PLA2G4E: variants seen among roughly 807,000 people sequenced by gnomAD.
The protein encoded by PLA2G4E is phospholipase A2 group IVE, also known as cytosolic phospholipase A2 epsilon.
Under a neutral mutation model 109.1 loss-of-function variants are expected in PLA2G4E, and 84 were observed. The observed-to-expected ratio is 0.77, with a 90% CI of 0.65 to 0.92. The LOEUF (loss-of-function observed/expected upper bound fraction) is 0.92, where lower values mean the gene tolerates loss of function less well. Among genes scored for constraint, PLA2G4E ranks in the 40% least tolerant of loss-of-function variants. The pLI is 0.00. For missense variants in PLA2G4E, 1,057 were observed against 1,076.6 expected (o/e 0.98, Z 0.25); for synonymous variants, 469 against 436.1 (o/e 1.08, Z -0.94).
intron 11 of PLA2G4E, 60 bp downstream of exon 11, chr15:41,997,064 G>A: frequency 1.4e-6 from 2 of 1,468,424 alleles, no homozygotes; most frequent in South Asian, 1.4e-5. Flanking sequence ...GGTTGGCTGG[G>A]AGGGCATGGT....
chr15:41,993,056 C>G, intron 12 of PLA2G4E, 97 bp from the exon 13 acceptor site: 1 of 1,084,622 alleles, frequency 9.2e-7, no homozygotes, highest in Admixed American at 2.5e-5. Context: ...CCATTGAGAA[C>G]CCTAACCTGC....
intron 2 of PLA2G4E, among the ~76,000 whole-genome samples, chr15:42,012,031 C>A (rs767297816): frequency 6.6e-6 from 1 of 152,214 alleles, no homozygotes; most frequent in Non-Finnish European, 1.5e-5. Flanking sequence ...GACACAGACC[C>A]AAACTGGAGG....
chr15:42,023,055 G>A (rs1262380863), intron 1 of PLA2G4E, among the ~76,000 whole-genome samples: 1 of 152,116 alleles, frequency 6.6e-6, no homozygotes, highest in East Asian at 1.9e-4. Context: ...CACAGGCAGG[G>A]AGGCCAGAAA....
chr15:42,000,208 A>G lies in PLA2G4E; in HGVS notation c.748T>C (p.Cys250Arg). 1.9e-6 allele frequency: 3 copies of G among 1,591,252 alleles called. No homozygotes were observed. In the South Asian group the frequency reaches 3.4e-5, roughly 18 times the overall value. ...GTTTGGAAGCAGGCAGAGGTTGGGC[A>G]GCAGGGTTCCAAGCAGGGCCGGACA... Residue 250 changes from cysteine to arginine, a missense_variant, in exon 8 of 20, where the codon TGC (cysteine) becomes CGC (arginine). Cys to Arg is a radical substitution (Grantham distance 180). Transcript: ENST00000399518.
rs187253693 is a variant in PLA2G4E, at chr15:41,990,124, T to C, written c.1582A>G (p.Arg528Gly). Residue 528 changes from arginine to glycine, a missense_variant, in exon 14 of 20, where the codon AGA becomes GGA. Arg to Gly is a moderately radical substitution (Grantham distance 125). Transcript: ENST00000399518. ...AATCACCAGCCACTGGTGTTACCTC[T>C]GAAGTCCTGGTTGCTTACATCATCC... The C allele has an allele frequency of 1.5e-4, 238 of 1,612,646 alleles. 1 individual carries two copies. The highest frequency in any genetic ancestry group is 3.0e-4 in the Admixed American group (18 of 60,002).
At chr15:41,983,839 A>T (rs1259508808) in exon 20 of PLA2G4E, 26 of 1,612,252 alleles carry the variant, frequency 1.6e-5, no homozygotes, top group Non-Finnish European at 2.0e-5. Context: ...ATTATTCAGG[A>T]TGTTATACTC....
intron 3 of PLA2G4E, among the ~76,000 whole-genome samples, chr15:42,007,220 G>A (rs57509510): frequency 0.25 from 38,270 of 151,988 alleles, 6,067 homozygotes; most frequent in East Asian, 0.47. Context: ...ATTATCCCAT[G>A]GGAGATGTGA....
At chr15:42,039,522 C>A (rs993747189) in intron 1 of PLA2G4E, among the ~76,000 whole-genome samples, 1 of 148,796 alleles carries the variant, frequency 6.7e-6, no homozygotes, top group Non-Finnish European at 1.5e-5. Flanking sequence ...TATATACATA[C>A]ATATGTATGT....
chr15:42,001,568 A>T (rs1050192791), intron 6 of PLA2G4E, among the ~76,000 whole-genome samples: 4 of 152,216 alleles, frequency 2.6e-5, no homozygotes, highest in Non-Finnish European at 5.9e-5. Flanking sequence ...CCTTGTCAAG[A>T]TGCTGAGGCA....
At chr15:42,027,223 T>G (rs2068700362) in intron 1 of PLA2G4E, among the ~76,000 whole-genome samples, 1 of 152,200 alleles carries the variant, frequency 6.6e-6, no homozygotes, top group Non-Finnish European at 1.5e-5. Context: ...CAAGGACATC[T>G]ACAACAACTT....
At chr15:42,021,863 T>C (rs1300561110) in intron 1 of PLA2G4E, among the ~76,000 whole-genome samples, 1 of 152,200 alleles carries the variant, frequency 6.6e-6, no homozygotes, top group Non-Finnish European at 1.5e-5. Context: ...GAAGTGCTTT[T>C]TTGAAATTGA....
intron 1 of PLA2G4E, among the ~76,000 whole-genome samples, chr15:42,047,326 G>A (rs943796772): frequency 2.0e-5 from 3 of 152,080 alleles, no homozygotes; most frequent in African/African-American, 7.2e-5. Context: ...AAGGTCAAGG[G>A]GTCCACATCT....
exon 11 of PLA2G4E, chr15:41,997,147 C>G: frequency 6.4e-7 from 1 of 1,569,510 alleles, no homozygotes; most frequent in Non-Finnish European, 8.6e-7. Context: ...AGGTCTTCCT[C>G]CAGCTGCAGC....
intron 1 of PLA2G4E, among the ~76,000 whole-genome samples, chr15:42,036,558 G>T (rs7181618): frequency 6.6e-6 from 1 of 151,988 alleles, no homozygotes; most frequent in Admixed American, 6.5e-5. Flanking sequence ...GGTCCACCCT[G>T]CATCTGGGTG....
At chr15:41,984,780 C>T (rs994572834) in intron 18 of PLA2G4E, among the ~76,000 whole-genome samples, 161 bp from the exon 19 acceptor site, 2 of 152,180 alleles carry the variant, frequency 1.3e-5, no homozygotes, top group African/African-American at 2.4e-5. Context: ...CAGGTCAGGA[C>T]AAAAGGCCCG....
chr15:41,994,303 C>CGGG (rs11369248), intron 12 of PLA2G4E, among the ~76,000 whole-genome samples: 1 of 151,944 alleles, frequency 6.6e-6, no homozygotes, highest in Non-Finnish European at 1.5e-5. Context: ...CTCTGCCCCC[C>CGGG]GGGGGGGTGT....
intron 1 of PLA2G4E, among the ~76,000 whole-genome samples, chr15:42,036,313 G>A (rs1318069800): frequency 6.6e-6 from 1 of 152,200 alleles, no homozygotes. Context: ...CGCGACTGGG[G>A]AGAGCAGGGC....
chr15:42,023,778 C>T (rs751104368), intron 1 of PLA2G4E, among the ~76,000 whole-genome samples: 3 of 152,112 alleles, frequency 2.0e-5, no homozygotes, highest in Admixed American at 6.5e-5. Flanking sequence ...CAGCCACAAA[C>T]CCCCACTCCA....
chr15:42,032,738 A>G (rs1199862320), intron 1 of PLA2G4E, among the ~76,000 whole-genome samples: 1 of 152,208 alleles, frequency 6.6e-6, no homozygotes, highest in Admixed American at 6.5e-5. Flanking sequence ...TTGGGCACAG[A>G]GAAGAGAATA....
Sources: gnomAD v4.1 joint callset for allele counts (sites outside exome capture counted in the v4.1 genomes callset) on GRCh38, gnomAD v4.1.1 for gene constraint, MANE v1.5 for transcripts, NCBI Gene and HGNC (gene_info 2026-07-23, HGNC 2026-07-21) for gene names.